The following TYW1B variants were observed in gnomAD, a reference collection of about 807,000 sequenced individuals.
TYW1B encodes the protein S-adenosyl-L-methionine-dependent tRNA 4-demethylwyosine synthase TYW1B.
TYW1B carries 73 observed loss-of-function variants against 86.9 expected under a neutral mutation model. That is an observed-to-expected ratio of 0.84 (90% CI 0.70 to 1.02). The LOEUF (loss-of-function observed/expected upper bound fraction) is 1.02, where lower values mean the gene tolerates loss of function less well. TYW1B is among the 50% of genes least tolerant of loss of function. The pLI is 0.00. For synonymous variants in TYW1B, 248 were observed against 292.8 expected (o/e 0.85, Z 1.56); for missense variants, 637 against 827.4 (o/e 0.77, Z 2.82).
intron 6 of TYW1B, among the ~76,000 whole-genome samples, chr7:72,788,659 A>G (rs1788168809): frequency 6.6e-6 from 1 of 151,870 alleles, no homozygotes; most frequent in South Asian, 2.1e-4. Flanking sequence ...CAACCTCCCA[A>G]GTGGCTGGGA....
intron 9 of TYW1B, among the ~76,000 whole-genome samples, chr7:72,715,174 G>C (rs1291107407): frequency 2.0e-5 from 3 of 151,942 alleles, no homozygotes; most frequent in African/African-American, 7.3e-5. Flanking sequence ...GAGGGGTGCA[G>C]GCAATTCGCA....
intron 7 of TYW1B, among the ~76,000 whole-genome samples, chr7:72,770,941 CAT>C (rs1787855801): frequency 6.9e-6 from 1 of 144,260 alleles, no homozygotes; most frequent in African/African-American, 2.6e-5. Flanking sequence ...TGATTCCACT[CAT>C]ATGAATTTCC....
At chr7:72,715,450 T>G (rs1213572397) in intron 9 of TYW1B, among the ~76,000 whole-genome samples, 1 of 152,128 alleles carries the variant, frequency 6.6e-6, no homozygotes, top group African/African-American at 2.4e-5. Flanking sequence ...TAGAAGGCAT[T>G]AAGAGATATG....
rs1273534050 is a variant in TYW1B, at chr7:72,575,708, A to G, written c.1797T>C (p.Gly599=). Residue 599 remains glycine, a synonymous_variant, in exon 14 of 14, where the codon GGT becomes GGC. Coordinates refer to ENST00000620995, the MANE Select transcript of TYW1B (RefSeq NM_001145440.3). ...AATCGATCCATGTCCACCATTCACC[A>G]CCAATTTTAAACTGGAAAGAAAAAA... ...LLIAHRKFKI[G]GEWWTWIDYN... The G allele has an allele frequency of 1.9e-6, 3 of 1,595,278 alleles. No individual in the cohort carries two copies. The African/African-American group carries it at 4.0e-5, about 22-fold the overall frequency.
chr7:72,771,208 C>G (rs1554469530), intron 7 of TYW1B, among the ~76,000 whole-genome samples: 2 of 152,088 alleles, frequency 1.3e-5, no homozygotes, highest in Non-Finnish European at 2.9e-5. Context: ...AATGATCCGC[C>G]CACCTGGCCT....
At chr7:72,790,056 T>C (rs1207385830) in intron 6 of TYW1B, among the ~76,000 whole-genome samples, 2 of 148,270 alleles carry the variant, frequency 1.3e-5, no homozygotes, top group Admixed American at 6.8e-5. Context: ...CAAGGGATTC[T>C]CCTGCCTTAG....
chr7:72,809,005 T>C (rs564495828), intron 4 of TYW1B, among the ~76,000 whole-genome samples: 3 of 151,884 alleles, frequency 2.0e-5, no homozygotes, highest in African/African-American at 7.2e-5. Flanking sequence ...AGGAGCCAAG[T>C]TAATTTTTTC....
rs1554481510 is a variant in TYW1B at position 72,826,910 on chromosome 7, C to A, written c.80G>T (p.Gly27Val). The change falls in exon 2 of 14, where the codon GGC becomes GTC. Residue 27 changes from glycine to valine, a missense_variant. Physicochemically the swap from Gly to Val is moderately radical, Grantham distance 109. Coordinates refer to ENST00000620995, the MANE Select transcript of TYW1B (RefSeq NM_001145440.3). ...CCAAAGGCTAATGCTAACAGCAAAG[C>A]CCAGATAAATGTAAAACCTGTTTAT... is the stretch of plus-strand genomic sequence containing the variant. ...LWINRFYIYLGFAVSISLWIC... is the reference protein window; with the variant it reads ...LWINRFYIYLVFAVSISLWIC... The A allele has an allele frequency of 6.2e-7, 1 of 1,613,930 alleles. No homozygotes were observed. Among genetic ancestry groups the A allele is most frequent in the South Asian group, 1.1e-5 (1 of 91,056 alleles).
chr7:72,822,280 C>T (rs1259815341), intron 2 of TYW1B, among the ~76,000 whole-genome samples: 2 of 150,670 alleles, frequency 1.3e-5, no homozygotes, highest in East Asian at 3.9e-4. Flanking sequence ...GTAGAACATC[C>T]CACAGGAATC....
At chr7:72,757,204 C>T (rs1787606039) in intron 7 of TYW1B, among the ~76,000 whole-genome samples, 1 of 151,906 alleles carries the variant, frequency 6.6e-6, no homozygotes, top group African/African-American at 2.4e-5. Context: ...CCTGTCTCTA[C>T]TAAAAATACA....
At chr7:72,776,900 C>T (rs576177889) in intron 7 of TYW1B, among the ~76,000 whole-genome samples, 17 of 151,776 alleles carry the variant, frequency 1.1e-4, no homozygotes, top group Non-Finnish European at 2.2e-4. Context: ...CTCTGCATTG[C>T]CAGAACTGTC....
intron 10 of TYW1B, among the ~76,000 whole-genome samples, chr7:72,713,107 T>G (rs1448824446): frequency 2.7e-5 from 4 of 149,800 alleles, no homozygotes; most frequent in Non-Finnish European, 5.9e-5. Flanking sequence ...AAGACCAGTT[T>G]GGCCAACATG....
intron 7 of TYW1B, among the ~76,000 whole-genome samples, chr7:72,771,896 G>T (rs1787875011): frequency 6.6e-6 from 1 of 151,492 alleles, no homozygotes. Context: ...ACCCAGGCTG[G>T]AGTGCAGTGT....
intron 9 of TYW1B, among the ~76,000 whole-genome samples, chr7:72,714,779 T>C (rs1554455527): frequency 6.6e-6 from 1 of 152,158 alleles, no homozygotes. Flanking sequence ...TAGCTGGGCG[T>C]AGTGGCGGAT....
intron 9 of TYW1B, among the ~76,000 whole-genome samples, chr7:72,721,299 C>G (rs1786897113): frequency 1.3e-5 from 2 of 152,136 alleles, no homozygotes; most frequent in Admixed American, 1.3e-4. Flanking sequence ...ATTTCTAGTT[C>G]TAGATCCTTG....
At chr7:72,640,535 A>G (rs1224568233) in intron 11 of TYW1B, among the ~76,000 whole-genome samples, 1 of 152,038 alleles carries the variant, frequency 6.6e-6, no homozygotes, top group Non-Finnish European at 1.5e-5. Context: ...AAAAAAAACT[A>G]GTGTTGCTTT....
intron 6 of TYW1B, among the ~76,000 whole-genome samples, chr7:72,797,087 A>G (rs376543305): frequency 2.0e-5 from 3 of 152,300 alleles, no homozygotes; most frequent in East Asian, 1.9e-4. Flanking sequence ...GATTACAGGC[A>G]TGAGCCACCA....
chr7:72,827,302 G>T (rs1301711215), intron 1 of TYW1B, among the ~76,000 whole-genome samples: 2 of 152,150 alleles, frequency 1.3e-5, no homozygotes, highest in Non-Finnish European at 2.9e-5. Context: ...CAGCTACTCG[G>T]GAGGCTGAGG....
At chr7:72,777,840 C>T (rs1361450696) in intron 6 of TYW1B, among the ~76,000 whole-genome samples, 12 of 152,118 alleles carry the variant, frequency 7.9e-5, no homozygotes, top group Non-Finnish European at 1.2e-4. Context: ...CGCTTGAACC[C>T]GGAAGGCGAA....
Sources: allele counts gnomAD v4.1 joint callset (sites outside exome capture counted in the v4.1 genomes callset), GRCh38; gene constraint gnomAD v4.1.1; transcripts MANE v1.5; gene names NCBI Gene and HGNC (gene_info 2026-07-23, HGNC 2026-07-21).